PPP3CB: variants seen among roughly 807,000 people sequenced by gnomAD.
PPP3CB encodes the protein serine/threonine-protein phosphatase 2B catalytic subunit beta isoform.
PPP3CB carries 8 observed loss-of-function variants against 66.4 expected under a neutral mutation model. That is an observed-to-expected ratio of 0.12 (90% CI 0.07 to 0.22). PPP3CB has a LOEUF of 0.22. Among genes scored for constraint, PPP3CB ranks in the 10% least tolerant of loss-of-function variants. The pLI, the probability that PPP3CB is intolerant of heterozygous loss-of-function variation, is 1.00. For synonymous variants in PPP3CB, 208 were observed against 221.2 expected (o/e 0.94, Z 0.53); for missense variants, 319 against 642.5 (o/e 0.50, Z 5.44).
chr10:73,487,649 CTTGT>C (rs2057004159), intron 1 of PPP3CB, among the ~76,000 whole-genome samples: 1 of 147,184 alleles, frequency 6.8e-6, no homozygotes, highest in African/African-American at 2.5e-5. Context: ...TTCCAAAATA[CTTGT>C]TTAACGACAC....
rs1351565972 is a variant in PPP3CB at position 73,437,382 on chromosome 10, A to G, written c.*860T>C. ...TCGTACCTGTACATCATAGGTCTAT[A>G]TATTAAATATTTGCAAAATGAAAAC... On this transcript the variant is annotated 3_prime_UTR_variant, in exon 14 of 14. Coordinates refer to ENST00000360663, the MANE Select transcript of PPP3CB (RefSeq NM_021132.4). 1 of 152,670 alleles carries G rather than the reference A, an allele frequency of 6.6e-6. No individual in the cohort carries two copies. Among genetic ancestry groups the G allele is most frequent in the East Asian group, 1.9e-4 (1 of 5,204 alleles). 9.5% of individuals were successfully genotyped at this position (152,670 alleles called of 1,614,324 possible).
At chr10:73,457,594 C>T (rs890655390) in intron 9 of PPP3CB, among the ~76,000 whole-genome samples, 6 of 151,740 alleles carry the variant, frequency 4.0e-5, no homozygotes, top group East Asian at 1.9e-4. Context: ...AAAAATTAGC[C>T]GGGCATGGTG....
intron 9 of PPP3CB, among the ~76,000 whole-genome samples, chr10:73,465,001 C>T (rs1393872105): frequency 1.3e-5 from 2 of 151,572 alleles, no homozygotes; most frequent in African/African-American, 4.8e-5. Context: ...AAATGTGACT[C>T]TTTATCTTTT....
intron 4 of PPP3CB, among the ~76,000 whole-genome samples, chr10:73,473,609 C>G (rs533846096): frequency 6.6e-6 from 1 of 151,908 alleles, no homozygotes; most frequent in Admixed American, 6.6e-5. Flanking sequence ...CGAGATTGTA[C>G]CACTGCACTC....
At chr10:73,469,486 C>T (rs1040079640) in intron 8 of PPP3CB, among the ~76,000 whole-genome samples, 3 of 152,104 alleles carry the variant, frequency 2.0e-5, no homozygotes, top group Admixed American at 6.6e-5. Context: ...ATGTAGCAGT[C>T]GGCCGAGACT....
chr10:73,441,488 C>T (rs982415338), intron 12 of PPP3CB, among the ~76,000 whole-genome samples: 1 of 152,122 alleles, frequency 6.6e-6, no homozygotes, highest in African/African-American at 2.4e-5. Flanking sequence ...TATGTAATCC[C>T]AGCTACTCGG....
chr10:73,440,954 G>A (rs1234255482), intron 12 of PPP3CB, among the ~76,000 whole-genome samples: 1 of 152,094 alleles, frequency 6.6e-6, no homozygotes, highest in Non-Finnish European at 1.5e-5. Context: ...TCACACTGAG[G>A]ACCAGGACTC....
chr10:73,493,952 G>GAA (rs2057121270), intron 1 of PPP3CB, among the ~76,000 whole-genome samples: 1 of 152,074 alleles, frequency 6.6e-6, no homozygotes, highest in Non-Finnish European at 1.5e-5. Flanking sequence ...ATATGACAAG[G>GAA]AATAAGAAGA....
chr10:73,448,618 T>A, intron 10 of PPP3CB: 1 of 532,926 alleles, frequency 1.9e-6, no homozygotes, highest in South Asian at 1.4e-5. Context: ...TGAAGATAAC[T>A]TATGAAGTCA....
chr10:73,491,108 G>A (rs2057070949), intron 1 of PPP3CB, among the ~76,000 whole-genome samples: 2 of 131,240 alleles, frequency 1.5e-5, no homozygotes, highest in Admixed American at 1.9e-4. Flanking sequence ...TCGGCTCACT[G>A]CAATCTCCGC....
chr10:73,495,676 C>T, intron 1 of PPP3CB, 129 bp downstream of exon 1: 3 of 1,365,914 alleles, frequency 2.2e-6, no homozygotes, highest in Non-Finnish European at 9.5e-7. Context: ...CCAGGGGCCA[C>T]TCCCCAAGGG....
At chr10:73,455,033 CA>C (rs1306513569) in intron 9 of PPP3CB, among the ~76,000 whole-genome samples, 1 of 151,904 alleles carries the variant, frequency 6.6e-6, no homozygotes, top group African/African-American at 2.4e-5. Context: ...TCGTCATGCC[CA>C]GCTAATTTTT....
In PPP3CB at chr10:73,444,778, G is replaced by A; in HGVS notation, c.1313C>T (p.Thr438Ile). 1 of 1,613,912 alleles carries A rather than the reference G, an allele frequency of 6.2e-7. No individual in the cohort carries two copies. The highest frequency in any genetic ancestry group is 8.5e-7 in the Non-Finnish European group (1 of 1,180,038). ...TAACACTCCACTAGGCAACATCCCT[G>A]TGGGAGTCAGGCCCTTGAGTGTCAG... ...SVLTLKGLTP[T>I]GMLPSGVLAG... Residue 438 changes from threonine to isoleucine, a missense_variant, in exon 12 of 14, where the codon ACA becomes ATA. This residue lies in a region of PPP3CB where 120 missense variants were observed against 331.2 expected (regional missense o/e 0.36). Coordinates refer to ENST00000360663, the MANE Select transcript of PPP3CB (RefSeq NM_021132.4).
chr10:73,461,893 G>T (rs992346292), intron 9 of PPP3CB, among the ~76,000 whole-genome samples: 1 of 152,156 alleles, frequency 6.6e-6, no homozygotes, highest in Non-Finnish European at 1.5e-5. Flanking sequence ...GATTTCTCAT[G>T]AATAGTTTAG....
chr10:73,464,120 G>C (rs2056577356), intron 9 of PPP3CB, among the ~76,000 whole-genome samples: 1 of 152,108 alleles, frequency 6.6e-6, no homozygotes, highest in South Asian at 2.1e-4. Flanking sequence ...AGTGGAGACA[G>C]GGTTTCACCA....
At chr10:73,442,488 G>A (rs1413712406) in intron 12 of PPP3CB, among the ~76,000 whole-genome samples, 2 of 152,168 alleles carry the variant, frequency 1.3e-5, no homozygotes, top group Non-Finnish European at 2.9e-5. Context: ...ATTTAAGTAT[G>A]ATACCCTTTT....
chr10:73,461,744 T>C (rs1427294692), intron 9 of PPP3CB, among the ~76,000 whole-genome samples: 1 of 152,172 alleles, frequency 6.6e-6, no homozygotes, highest in Non-Finnish European at 1.5e-5. Context: ...TATTTTGATA[T>C]ATCAGAAGGA....
intron 9 of PPP3CB, among the ~76,000 whole-genome samples, chr10:73,455,302 T>G (rs1318602112): frequency 2.6e-5 from 4 of 152,218 alleles, no homozygotes; most frequent in African/African-American, 9.7e-5. Flanking sequence ...TTGACTATTC[T>G]GTATATTTTT....
At chr10:73,464,737 G>A (rs1297284836) in intron 9 of PPP3CB, among the ~76,000 whole-genome samples, 2 of 152,120 alleles carry the variant, frequency 1.3e-5, no homozygotes, top group African/African-American at 4.8e-5. Flanking sequence ...TTTGAGACCA[G>A]CCTGGCCAAC....
Sources: allele counts gnomAD v4.1 joint callset (sites outside exome capture counted in the v4.1 genomes callset), GRCh38; gene constraint gnomAD v4.1.1; regional missense constraint gnomAD v4.1.1; transcripts MANE v1.5; gene names NCBI Gene and HGNC (gene_info 2026-07-23, HGNC 2026-07-21).